Variants in SLC2A9 observed in about 807,000 individuals in gnomAD.
SLC2A9 encodes the protein solute carrier family 2, facilitated glucose transporter member 9.
Under a neutral mutation model 50.6 loss-of-function variants are expected in SLC2A9, and 39 were observed. The observed-to-expected ratio is 0.77, with a 90% CI of 0.60 to 1.01. The LOEUF (loss-of-function observed/expected upper bound fraction) is 1.01, where lower values mean the gene tolerates loss of function less well. Ranked by LOEUF, SLC2A9 falls within the 50% of genes least tolerant of loss-of-function variation. The probability of loss-of-function intolerance (pLI) is 0.00; values close to 1 mark genes in which losing one functional copy is unlikely to be tolerated. For missense variants in SLC2A9, 686 were observed against 677.6 expected, an observed-to-expected ratio of 1.01 and a Z score of -0.14; for synonymous variants, 324 against 276.9, an observed-to-expected ratio of 1.17 and a Z score of -1.69.
At chr4:9,961,983 C>T (rs1483893046) in intron 5 of SLC2A9, among the ~76,000 whole-genome samples, 2 of 152,184 alleles carry the variant, frequency 1.3e-5, no homozygotes, top group African/African-American at 2.4e-5. Context: ...CATCACTGAT[C>T]ATTAGAGAAA....
chr4:9,857,214 C>T (rs1730870882), intron 10 of SLC2A9, among the ~76,000 whole-genome samples: 1 of 152,216 alleles, frequency 6.6e-6, no homozygotes, highest in Non-Finnish European at 1.5e-5. Context: ...TGGGTTCCCA[C>T]TCATTCCTGT....
intron 3 of SLC2A9, chr4:9,782,189 A>G: frequency 6.2e-7 from 1 of 1,607,034 alleles, no homozygotes; most frequent in Non-Finnish European, 8.5e-7. Context: ...CATCATCTGG[A>G]CCCTGCTGGG....
chr4:9,853,366 A>G (rs1730263781), intron 10 of SLC2A9, among the ~76,000 whole-genome samples: 1 of 152,234 alleles, frequency 6.6e-6, no homozygotes, highest in African/African-American at 2.4e-5. Flanking sequence ...AATTTCAGAC[A>G]AAACAGATTT....
At chr4:9,963,631 G>A (rs1254164514) in intron 5 of SLC2A9, among the ~76,000 whole-genome samples, 1 of 152,180 alleles carries the variant, frequency 6.6e-6, no homozygotes, top group Non-Finnish European at 1.5e-5. Flanking sequence ...AGGAGAGAGG[G>A]CCTCTCAAGA....
intron 10 of SLC2A9, among the ~76,000 whole-genome samples, chr4:9,875,863 T>A (rs371407162): frequency 3.5e-4 from 53 of 152,224 alleles, no homozygotes; most frequent in Non-Finnish European, 6.3e-4. Context: ...GTTATTGACT[T>A]AACCTCCATT....
chr4:9,965,657 C>G (rs1221067652), intron 5 of SLC2A9, among the ~76,000 whole-genome samples: 1 of 152,158 alleles, frequency 6.6e-6, no homozygotes, highest in Non-Finnish European at 1.5e-5. Context: ...ATCCCAAAAT[C>G]CCAATTGAAA....
At chr4:9,956,571 T>C (rs745385307) in intron 5 of SLC2A9, among the ~76,000 whole-genome samples, 2 of 152,180 alleles carry the variant, frequency 1.3e-5, no homozygotes, top group Admixed American at 6.5e-5. Context: ...TCTGGAGGAA[T>C]TGAGAGCTTT....
rs1006387903 is a variant in SLC2A9 at position 10,029,556 on chromosome 4, TTTTATTTTA to T, written c.-40-3559_-40-3551del. Among the ~76,000 whole-genome samples, 23 of 110,902 alleles carry T rather than the reference TTTTATTTTA, an allele frequency of 2.1e-4. 1 individual carries two copies. The highest frequency in any genetic ancestry group is 5.4e-5 in the Non-Finnish European group (3 of 55,050). The allele number at this position is 110,902 out of a possible 152,430, so 72.8% of individuals were successfully genotyped here. On this transcript the variant is annotated intron_variant, in intron 1 of 12. Coordinates refer to the SLC2A9 transcript ENST00000309065. ...CAAGAGGAATTTTTTAAATATTTTA[TTTTATTTTA>T]TTTATTTTATATTTTTATTTTATTT...
At position 9,840,742 on chromosome 4, in the gene SLC2A9, G is replaced by T. The variant is rs372766654; in HGVS notation, c.1292-5734C>A. On this transcript the variant is annotated intron_variant, in intron 10 of 11. Transcript: ENST00000264784. ...GAAATTCATTAACTATGATGTTTTT[G>T]GTTGTATTAGTCCATTTTTGCACTG... Among the ~76,000 whole-genome samples the T allele has an allele frequency of 2.5e-3, 375 of 151,988 alleles. 5 individuals are homozygous for T. Among genetic ancestry groups the T allele is most frequent in the African/African-American group, 8.5e-3 (351 of 41,418 alleles).
chr4:9,933,169 GA>G (rs1438633226), intron 6 of SLC2A9, among the ~76,000 whole-genome samples: 3 of 152,254 alleles, frequency 2.0e-5, no homozygotes, highest in African/African-American at 7.2e-5. Flanking sequence ...GCCCAAAAAG[GA>G]GGACAAAGTT....
chr4:9,960,869 C>T (rs1475238651), intron 5 of SLC2A9, among the ~76,000 whole-genome samples: 2 of 152,060 alleles, frequency 1.3e-5, no homozygotes, highest in Admixed American at 1.3e-4. Flanking sequence ...GGAGACTGAA[C>T]CCAAATTCGG....
intron 3 of SLC2A9, among the ~76,000 whole-genome samples, chr4:9,810,551 C>T (rs145713786): frequency 7.9e-5 from 12 of 152,248 alleles, no homozygotes; most frequent in South Asian, 2.1e-4. Context: ...ACTAGTCTCA[C>T]GAGAGACTGA....
chr4:9,992,502 C>T (rs1236126588), intron 3 of SLC2A9, among the ~76,000 whole-genome samples: 1 of 152,190 alleles, frequency 6.6e-6, no homozygotes, highest in Non-Finnish European at 1.5e-5. Context: ...CCTGATGAGG[C>T]AACATTGCCC....
intron 5 of SLC2A9, among the ~76,000 whole-genome samples, chr4:9,949,468 A>C (rs151332566): frequency 6.6e-6 from 1 of 152,216 alleles, no homozygotes; most frequent in Admixed American, 6.5e-5. Flanking sequence ...ATTTTCCCAC[A>C]AAGTATTATT....
chr4:9,771,488 G>A (rs1203702908), intron 1 of SLC2A9: 1 of 398,704 alleles, frequency 2.5e-6, no homozygotes, highest in African/African-American at 2.1e-5. Flanking sequence ...CAACACAACT[G>A]CCAAAGAGTC....
At chr4:9,931,934 C>CTCAA (rs1553878802) in intron 6 of SLC2A9, among the ~76,000 whole-genome samples, 35 of 51,150 alleles carry the variant, frequency 6.8e-4, no homozygotes, top group Admixed American at 1.0e-3. Context: ...CTCTCTCTCT[C>CTCAA]TCTCTCTCTC....
intron 5 of SLC2A9, among the ~76,000 whole-genome samples, chr4:9,945,701 TTC>T (rs2108802292): frequency 6.6e-6 from 1 of 152,228 alleles, no homozygotes; most frequent in East Asian, 1.9e-4. Context: ...TGGTCTGAAC[TTC>T]TACCATCTGA....
chr4:9,893,624 T>G (rs746177576), intron 8 of SLC2A9, among the ~76,000 whole-genome samples: 2 of 151,824 alleles, frequency 1.3e-5, no homozygotes, highest in African/African-American at 2.4e-5. Context: ...AACCTGCATT[T>G]AAAGCATCCC....
At chr4:9,804,587 C>A (rs570624512) in intron 3 of SLC2A9, among the ~76,000 whole-genome samples, 1 of 152,194 alleles carries the variant, frequency 6.6e-6, no homozygotes, top group African/African-American at 2.4e-5. Context: ...TACTGTGATG[C>A]TGCTCCCCTC....
Sources: allele counts gnomAD v4.1 joint callset (sites outside exome capture counted in the v4.1 genomes callset), GRCh38; gene constraint gnomAD v4.1.1; transcripts MANE v1.5; gene names NCBI Gene and HGNC (gene_info 2026-07-23, HGNC 2026-07-21).